Variants in IL1RAPL2 observed in about 807,000 individuals in gnomAD.
IL1RAPL2 encodes X-linked interleukin-1 receptor accessory protein-like 2.
A neutral mutation model predicts 44.1 loss-of-function variants in IL1RAPL2; 3 were observed. The ratio of observed to expected loss-of-function variants is 0.07; its 90% CI spans 0.03 to 0.18. The LOEUF (loss-of-function observed/expected upper bound fraction) is 0.18, where lower values mean the gene tolerates loss of function less well. Ranked by LOEUF, IL1RAPL2 falls within the 10% of genes least tolerant of loss-of-function variation. The pLI is 1.00. For missense variants in IL1RAPL2, 391 were observed against 496.4 expected, an observed-to-expected ratio of 0.79 and a Z score of 2.02; for synonymous variants, 181 against 178.8, an observed-to-expected ratio of 1.01 and a Z score of -0.10.
chrX:105,067,115 A>C (rs1174737221), intron 2 of IL1RAPL2, among the ~76,000 whole-genome samples: 2 of 112,113 alleles, frequency 1.8e-5, no homozygotes, highest in Non-Finnish European at 3.8e-5. Flanking sequence ...ACTGCATAGA[A>C]GATGTTACCA....
chrX:105,622,506 A>T (rs1319141487), intron 6 of IL1RAPL2, among the ~76,000 whole-genome samples: 1 of 110,228 alleles, frequency 9.1e-6, no homozygotes, highest in Non-Finnish European at 1.9e-5. Context: ...TATTTCAGTT[A>T]TTATCTTTCA....
chrX:105,294,068 A>G (rs1267188480), intron 5 of IL1RAPL2, among the ~76,000 whole-genome samples: 1 of 112,311 alleles, frequency 8.9e-6, no homozygotes, highest in African/African-American at 3.2e-5. Context: ...GAGGAACGTT[A>G]TTTCTGTATC....
chrX:105,648,617 C>T (rs1213487316), intron 6 of IL1RAPL2, among the ~76,000 whole-genome samples: 1 of 111,635 alleles, frequency 9.0e-6, no homozygotes, highest in East Asian at 2.8e-4. Context: ...GACAGATTCT[C>T]CTTCCCTCAG....
intron 6 of IL1RAPL2, among the ~76,000 whole-genome samples, chrX:105,571,748 CACTA>C (rs2037015666): frequency 9.0e-6 from 1 of 111,222 alleles, no homozygotes; most frequent in African/African-American, 3.3e-5. Flanking sequence ...ATAATTAACA[CACTA>C]AGCCTATCAG....
chrX:104,918,046 G>C (rs766161860), intron 2 of IL1RAPL2, among the ~76,000 whole-genome samples: 29 of 111,805 alleles, frequency 2.6e-4, no homozygotes, highest in Non-Finnish European at 1.9e-5. Context: ...TTTATGTAAC[G>C]TTTGTTAAAA....
chrX:104,916,579 G>T (rs879107297), intron 2 of IL1RAPL2, among the ~76,000 whole-genome samples: 2 of 111,091 alleles, frequency 1.8e-5, no homozygotes, highest in East Asian at 5.7e-4. Context: ...CTGCCTGATT[G>T]CCCTGGCCAG....
At chrX:104,838,690 C>G (rs5916834) in intron 2 of IL1RAPL2, among the ~76,000 whole-genome samples, 37,152 of 109,470 alleles carry the variant, frequency 0.34, 5,501 homozygotes, top group East Asian at 0.46. Flanking sequence ...TTGATTTCCC[C>G]TCTTCCTATT....
At chrX:105,450,994 T>TC (rs1385340540) in intron 5 of IL1RAPL2, among the ~76,000 whole-genome samples, 29 of 108,979 alleles carry the variant, frequency 2.7e-4, no homozygotes, top group African/African-American at 9.4e-4. Flanking sequence ...GAGGGTTTTT[T>TC]CCCCCAGTGA....
At chrX:105,128,102 T>C (rs1168234909) in intron 2 of IL1RAPL2, among the ~76,000 whole-genome samples, 4 of 110,907 alleles carry the variant, frequency 3.6e-5, no homozygotes, top group Non-Finnish European at 7.6e-5. Context: ...TTAAGTAACA[T>C]GTACCAACCC....
intron 5 of IL1RAPL2, among the ~76,000 whole-genome samples, chrX:105,281,509 T>C (rs1331920025): frequency 8.9e-6 from 1 of 112,577 alleles, no homozygotes; most frequent in Non-Finnish European, 1.9e-5. Context: ...ATAATGATAT[T>C]TTTGTCAATG....
At chrX:104,909,634 GGT>G (rs1924163619) in intron 2 of IL1RAPL2, among the ~76,000 whole-genome samples, 2 of 111,744 alleles carry the variant, frequency 1.8e-5, no homozygotes, top group Non-Finnish European at 3.8e-5. Flanking sequence ...CCTGTTGGGG[GGT>G]GCCTCCCAGT....
intron 6 of IL1RAPL2, among the ~76,000 whole-genome samples, chrX:105,662,638 G>A (rs1317671125): frequency 1.8e-5 from 2 of 111,891 alleles, no homozygotes; most frequent in African/African-American, 6.5e-5. Flanking sequence ...TCACCTTGGC[G>A]ATTCGATCAT....
intron 6 of IL1RAPL2, among the ~76,000 whole-genome samples, chrX:105,626,905 T>C (rs1160572446): frequency 9.0e-6 from 1 of 111,679 alleles, no homozygotes; most frequent in Non-Finnish European, 1.9e-5. Flanking sequence ...TTGTATAGCC[T>C]GCAGATTCTT....
chrX:105,195,470 T>C lies in IL1RAPL2; in HGVS notation c.83-5T>C. On this transcript the variant is annotated splice_region_variant and splice_polypyrimidine_tract_variant and intron_variant, in intron 2 of 10. Transcript: ENST00000372582. ...TATCTTATACCTCTTCTGATTTTCT[T>C]TCAGTGGATGGCTGCATTGACTGGT... 3 of 1,210,727 alleles carry C rather than the reference T, an allele frequency of 2.5e-6. No homozygotes were observed. Among genetic ancestry groups the C allele is most frequent in the Non-Finnish European group, 3.4e-6 (3 of 894,446 alleles).
At chrX:104,622,327 T>A (rs1211150123) in intron 1 of IL1RAPL2, among the ~76,000 whole-genome samples, 1 of 97,537 alleles carries the variant, frequency 1.0e-5, no homozygotes, top group Non-Finnish European at 1.9e-5. Context: ...GATCCTGATG[T>A]AAGGTGTGAA....
At chrX:104,753,157 C>T (rs1334330597) in intron 2 of IL1RAPL2, among the ~76,000 whole-genome samples, 1 of 105,658 alleles carries the variant, frequency 9.5e-6, no homozygotes, top group Non-Finnish European at 1.9e-5. Flanking sequence ...TTTTGGAGAG[C>T]CCCCATTCTC....
chrX:105,049,833 T>C (rs890019036), intron 2 of IL1RAPL2, among the ~76,000 whole-genome samples: 1 of 111,083 alleles, frequency 9.0e-6, no homozygotes, highest in Admixed American at 9.6e-5. Context: ...ATGAATCCAG[T>C]ATTAATTGGG....
At chrX:105,032,184 G>C (rs2031514787) in intron 2 of IL1RAPL2, among the ~76,000 whole-genome samples, 1 of 110,463 alleles carries the variant, frequency 9.1e-6, no homozygotes, top group Admixed American at 9.7e-5. Context: ...CCAGCCCCTG[G>C]ATTCATTAAT....
intron 2 of IL1RAPL2, among the ~76,000 whole-genome samples, chrX:105,137,289 C>G (rs187729824): frequency 8.9e-6 from 1 of 112,362 alleles, no homozygotes; most frequent in African/African-American, 3.2e-5. Context: ...TCACATCTAA[C>G]ATGCTCAATA....
Sources: gnomAD v4.1 joint callset for allele counts (sites outside exome capture counted in the v4.1 genomes callset) on GRCh38, gnomAD v4.1.1 for gene constraint, MANE v1.5 for transcripts, NCBI Gene and HGNC (gene_info 2026-07-23, HGNC 2026-07-21) for gene names.